FAM131B: variants seen among roughly 807,000 people sequenced by gnomAD.
The protein encoded by FAM131B is protein FAM131B.
A neutral mutation model predicts 42.0 loss-of-function variants in FAM131B; 19 were observed. That is an observed-to-expected ratio of 0.45 (90% CI 0.32 to 0.66). The LOEUF is 0.66. Ranked by LOEUF, FAM131B falls within the 30% of genes least tolerant of loss-of-function variation. The probability of loss-of-function intolerance (pLI) is 0.05; values close to 1 mark genes in which losing one functional copy is unlikely to be tolerated. For synonymous variants in FAM131B, 183 were observed against 177.6 expected, an observed-to-expected ratio of 1.03 and a Z score of -0.24; for missense variants, 370 against 468.4, an observed-to-expected ratio of 0.79 and a Z score of 1.94.
intron 1 of FAM131B, chr7:143,361,099 G>T (rs1230350197): frequency 6.6e-6 from 1 of 152,214 alleles, no homozygotes; most frequent in Non-Finnish European, 1.5e-5. Context: ...GAGTTTAGGG[G>T]TCGGCTCCAT....
chr7:143,382,184 C>G, the FAM131B span: 1 of 1,401,578 alleles, frequency 7.1e-7, no homozygotes, highest in East Asian at 2.3e-5. Flanking sequence ...GAGCGGTTAA[C>G]TGAGGGGAGC....
At chr7:143,376,485 C>T in the FAM131B span, among the ~76,000 whole-genome samples, 57 of 152,102 alleles carry the variant, frequency 3.7e-4, 1 homozygote, top group South Asian at 0.011. Context: ...CTGGGCTGAC[C>T]CTGAAGAAAG....
In FAM131B at chr7:143,353,867, A is replaced by ACC. The variant is rs112957177; in HGVS notation, c.*2681_*2682dup. On this transcript the variant is annotated 3_prime_UTR_variant, in exon 7 of 7. Coordinates refer to ENST00000443739, the MANE Select transcript of FAM131B (RefSeq NM_001031690.3). ...TAAAGTCAATTGAAAATGAAAGTGC[A>ACC]CCCCCCCTCCAAAAAAAGAAAATCA... The ACC allele has an allele frequency of 4.6e-5, 7 of 150,574 alleles. No individual in the cohort carries two copies. The East Asian group carries it at 5.9e-4, about 13-fold the overall frequency. The allele number at this position is 150,574 out of a possible 1,614,324, so 9.3% of individuals were successfully genotyped here.
chr7:143,381,794 T>C, the FAM131B span: 2 of 1,538,228 alleles, frequency 1.3e-6, no homozygotes, highest in East Asian at 2.5e-5. Context: ...GCGGCGGGGC[T>C]TGGGGAATGT....
At chr7:143,360,972 G>T (rs947413628) in intron 1 of FAM131B, 1 of 152,150 alleles carries the variant, frequency 6.6e-6, no homozygotes, top group Non-Finnish European at 1.5e-5. Flanking sequence ...ATGGTGCCGC[G>T]GAGAGTCTTG....
chr7:143,356,243 G>C lies in FAM131B; in HGVS notation c.*307C>G. On this transcript the variant is annotated 3_prime_UTR_variant, in exon 7 of 7. Coordinates refer to ENST00000443739, the MANE Select transcript of FAM131B (RefSeq NM_001031690.3). This position sits in a 1 kb window ranked among gnomAD's most constrained non-coding sequence, Gnocchi z 4.4. ...CACAGCTGCGCTGCCCCCGTCCTCA[G>C]GGTGCACACACTGGAGGCTTTGTCG... is the stretch of plus-strand genomic sequence containing the variant. The C allele has an allele frequency of 2.5e-6, 1 of 400,580 alleles. No homozygotes were observed. The highest frequency in any genetic ancestry group is 4.5e-6 in the Non-Finnish European group (1 of 220,658). The allele number at this position is 400,580 out of a possible 1,614,324, so 24.8% of individuals were successfully genotyped here.
the FAM131B span, among the ~76,000 whole-genome samples, chr7:143,369,883 C>T: frequency 6.6e-6 from 1 of 152,150 alleles, no homozygotes; most frequent in African/African-American, 2.4e-5. Context: ...AGGGACAAGG[C>T]ATTGCTCTCC....
chr7:143,353,853 G>A lies in FAM131B; in HGVS notation c.*2697C>T, dbSNP rs1803529802. On this transcript the variant is annotated 3_prime_UTR_variant, in exon 7 of 7. Coordinates refer to ENST00000443739, the MANE Select transcript of FAM131B (RefSeq NM_001031690.3). The stretch of plus-strand genomic sequence containing the variant: ...GGATTTTCATTTAATAAAGTCAATT[G>A]AAAATGAAAGTGCACCCCCCCTCCA... 1 of 150,572 alleles carries A rather than the reference G, an allele frequency of 6.6e-6. No individual in the cohort carries two copies. The highest frequency in any genetic ancestry group is 2.0e-4 in the East Asian group (1 of 5,046). 9.3% of individuals were successfully genotyped at this position (150,572 alleles called of 1,614,324 possible).
the FAM131B span, among the ~76,000 whole-genome samples, chr7:143,369,501 C>G: frequency 6.6e-6 from 1 of 151,914 alleles, no homozygotes; most frequent in South Asian, 2.1e-4. Context: ...ACGGTGAAAC[C>G]CCGTCTCTAC....
In FAM131B at chr7:143,359,465, G is replaced by T. The variant is rs770780845; in HGVS notation, c.175-46C>A. ...GAAGGGCAGAGGAATAAGAAGGTACGGGCGTGCTTTATACATGGAGGAGGT... is the reference window on the plus strand; with the variant it reads ...GAAGGGCAGAGGAATAAGAAGGTACTGGCGTGCTTTATACATGGAGGAGGT... On this transcript the variant is annotated intron_variant, in intron 3 of 6. Transcript: ENST00000443739. The surrounding 1 kb of genome is among the most constrained non-coding windows in gnomAD (Gnocchi z 5.4). 4 of 1,453,802 alleles carry T rather than the reference G, an allele frequency of 2.8e-6. No individual in the cohort carries two copies. The highest frequency in any genetic ancestry group is 2.8e-5 in the African/African-American group (2 of 71,824). 90.1% of individuals were successfully genotyped at this position (1,453,802 alleles called of 1,614,324 possible).
In FAM131B at chr7:143,353,701, G is replaced by C. The variant is rs578250159; in HGVS notation, c.*2849C>G. 73 of 152,622 alleles carry C rather than the reference G, an allele frequency of 4.8e-4. No individual in the cohort carries two copies. Among genetic ancestry groups the C allele is most frequent in the African/African-American group, 1.7e-3 (70 of 41,502 alleles). The allele number at this position is 152,622 out of a possible 1,614,324, so 9.5% of individuals were successfully genotyped here. ...TCCCAGACCTGGAGGATGGTGTGTG[G>C]GATGTATAGGTGAGGTCGTGGAGAA... On this transcript the variant is annotated 3_prime_UTR_variant, in exon 7 of 7. Coordinates refer to ENST00000443739, the MANE Select transcript of FAM131B (RefSeq NM_001031690.3).
At position 143,362,607 on chromosome 7, in the gene FAM131B, T is replaced by G; in HGVS notation, c.-4A>C. 2 of 1,210,458 alleles carry G rather than the reference T, an allele frequency of 1.7e-6. No individual in the cohort carries two copies. Among genetic ancestry groups the G allele is most frequent in the Non-Finnish European group, 2.1e-6 (2 of 974,744 alleles). 75.0% of individuals were successfully genotyped at this position (1,210,458 alleles called of 1,614,324 possible). On this transcript the variant is annotated 5_prime_UTR_variant, in exon 1 of 7. Coordinates refer to ENST00000443739, the MANE Select transcript of FAM131B (RefSeq NM_001031690.3). This position sits in a 1 kb window ranked among gnomAD's most constrained non-coding sequence, Gnocchi z 7.7. ...TCCGGGAGCCGATGCAGCCCATGGC[T>G]CCGGGGGCCGCAGAGCCGGGCCCTC...
chr7:143,372,743 G>A, the FAM131B span, among the ~76,000 whole-genome samples: 1 of 152,192 alleles, frequency 6.6e-6, no homozygotes, highest in Non-Finnish European at 1.5e-5. Flanking sequence ...CGGATCATCT[G>A]AGATCAGTAG....
At chr7:143,376,400 T>C in the FAM131B span, among the ~76,000 whole-genome samples, 1 of 152,312 alleles carries the variant, frequency 6.6e-6, no homozygotes, top group African/African-American at 2.4e-5. Flanking sequence ...AGAAATTAAC[T>C]GGTAAATGTT....
chr7:143,353,972 TA>T lies in FAM131B; in HGVS notation c.*2577del, dbSNP rs1803542265. ...TGCTGTAAAACGTGCTGCACAGCCT[TA>T]ACCCCAAAGGAAAAGCAACCCTTTC... On this transcript the variant is annotated 3_prime_UTR_variant, in exon 7 of 7. Coordinates refer to ENST00000443739, the MANE Select transcript of FAM131B (RefSeq NM_001031690.3). 1 of 152,068 alleles carries T rather than the reference TA, an allele frequency of 6.6e-6. No homozygotes were observed. Among genetic ancestry groups the T allele is most frequent in the African/African-American group, 2.4e-5 (1 of 41,234 alleles). 9.4% of individuals were successfully genotyped at this position (152,068 alleles called of 1,614,324 possible).
chr7:143,366,280 C>T (rs1804181077), upstream of FAM131B, among the ~76,000 whole-genome samples: 2 of 152,158 alleles, frequency 1.3e-5, no homozygotes, highest in African/African-American at 4.8e-5. Flanking sequence ...AAGCAATGAT[C>T]TTTCTTCAGA....
the FAM131B span, among the ~76,000 whole-genome samples, chr7:143,371,382 T>A: frequency 1.3e-5 from 2 of 151,846 alleles, no homozygotes; most frequent in Admixed American, 1.3e-4. Flanking sequence ...GAGGCTGATG[T>A]GAGAGGATTG....
chr7:143,377,227 A>G, the FAM131B span, among the ~76,000 whole-genome samples: 33,957 of 152,172 alleles, frequency 0.22, 4,073 homozygotes, highest in East Asian at 0.38. Flanking sequence ...CAAGGTGGTG[A>G]GATTACAGGC....
chr7:143,379,935 C>G, the FAM131B span: 2 of 452,966 alleles, frequency 4.4e-6, no homozygotes, highest in South Asian at 1.8e-4. Flanking sequence ...CTGGGTGTGA[C>G]CCGGGTCCAT....
Sources: gnomAD v4.1 joint callset for allele counts (sites outside exome capture counted in the v4.1 genomes callset) on GRCh38, gnomAD v4.1.1 for gene constraint, Gnocchi (gnomAD v3.1) non-coding constraint, MANE v1.5 for transcripts, NCBI Gene and HGNC (gene_info 2026-07-23, HGNC 2026-07-21) for gene names.